The following ROBO2 variants were observed in gnomAD, a reference collection of about 807,000 sequenced individuals.
ROBO2 encodes the protein roundabout guidance receptor 2.
Under a neutral mutation model 160.8 loss-of-function variants are expected in ROBO2, and 53 were observed. The ratio of observed to expected loss-of-function variants is 0.33; its 90% CI spans 0.26 to 0.41. The LOEUF (loss-of-function observed/expected upper bound fraction) is 0.41, where lower values mean the gene tolerates loss of function less well. Among genes scored for constraint, ROBO2 ranks in the 10% least tolerant of loss-of-function variants. The pLI, the probability that ROBO2 is intolerant of heterozygous loss-of-function variation, is 1.00. For missense variants in ROBO2, 1,577 were observed against 1,722.4 expected (o/e 0.92, Z 1.49); for synonymous variants, 664 against 611.7 (o/e 1.09, Z -1.26).
chr3:76,212,902 T>C (rs547536484), intron 2 of ROBO2, among the ~76,000 whole-genome samples: 2 of 8,672 alleles, frequency 2.3e-4, no homozygotes, highest in Admixed American at 1.3e-3. Context: ...CCTTATATCA[T>C]GGTGTTCTTA....
chr3:76,537,377 C>T (rs1008699759), intron 2 of ROBO2, among the ~76,000 whole-genome samples: 8 of 151,824 alleles, frequency 5.3e-5, no homozygotes, highest in South Asian at 4.2e-4. Context: ...GTATTGGGGC[C>T]GAAGGTATTG....
At chr3:76,328,991 A>C (rs1306698496) in intron 2 of ROBO2, among the ~76,000 whole-genome samples, 1 of 150,990 alleles carries the variant, frequency 6.6e-6, no homozygotes, top group Non-Finnish European at 1.5e-5. Context: ...AAGATTTCCA[A>C]ACAGATGACT....
At chr3:77,466,753 C>T (rs2153576527) in intron 2 of ROBO2, among the ~76,000 whole-genome samples, 1 of 152,304 alleles carries the variant, frequency 6.6e-6, no homozygotes, top group African/African-American at 2.4e-5. Context: ...GGTGAGATTA[C>T]TTTGAGACCC....
intron 2 of ROBO2, among the ~76,000 whole-genome samples, chr3:77,344,053 A>AG: frequency 6.6e-6 from 1 of 152,266 alleles, no homozygotes; most frequent in East Asian, 1.9e-4. Context: ...TTAGTAAATA[A>AG]GTGATCAAGA....
intron 2 of ROBO2, among the ~76,000 whole-genome samples, chr3:76,723,842 ATCT>A (rs1465661960): frequency 6.6e-6 from 1 of 152,196 alleles, no homozygotes; most frequent in Non-Finnish European, 1.5e-5. Flanking sequence ...TATCCAAATC[ATCT>A]GGGTTAAGGG....
At chr3:77,019,215 C>A (rs148293858) in intron 2 of ROBO2, among the ~76,000 whole-genome samples, 1 of 152,178 alleles carries the variant, frequency 6.6e-6, no homozygotes, top group East Asian at 1.9e-4. Context: ...GCAGGAAAGT[C>A]CAAATTCAAC....
At chr3:76,108,170 A>G (rs988879045) in intron 2 of ROBO2, among the ~76,000 whole-genome samples, 1 of 151,984 alleles carries the variant, frequency 6.6e-6, no homozygotes, top group African/African-American at 2.4e-5. Context: ...TGTGTTCGGA[A>G]CTGCGATGCT....
Position 77,287,805 on chromosome 3 carries a change from C to T in ROBO2, c.388+189465C>T, listed in dbSNP as rs376623999. Among the ~76,000 whole-genome samples, 40 of 152,116 alleles carry T rather than the reference C, an allele frequency of 2.6e-4. No individual in the cohort carries two copies. The East Asian group carries it at 2.7e-3, about 10-fold the overall frequency. On this transcript the variant is annotated intron_variant, in intron 2 of 25. Coordinates refer to ENST00000461745, the Ensembl canonical transcript of ROBO2. ...ACTCCACATGTTCAGAAAGCCTTTCCCTAGAGTATAATTTAATGTAATTGA... is the reference window on the plus strand; with the variant it reads ...ACTCCACATGTTCAGAAAGCCTTTCTCTAGAGTATAATTTAATGTAATTGA...
At chr3:77,187,081 GA>G (rs2081353298) in intron 2 of ROBO2, among the ~76,000 whole-genome samples, 1 of 151,920 alleles carries the variant, frequency 6.6e-6, no homozygotes, top group South Asian at 2.1e-4. Flanking sequence ...AAATGAAAAC[GA>G]AGACATCAAT....
chr3:76,402,968 A>T (rs912587448), intron 2 of ROBO2, among the ~76,000 whole-genome samples: 1 of 151,598 alleles, frequency 6.6e-6, no homozygotes, highest in African/African-American at 2.4e-5. Context: ...ATTCTGACAG[A>T]ATCTGACAGT....
At chr3:77,464,321 G>C (rs1290072267) in intron 2 of ROBO2, among the ~76,000 whole-genome samples, 2 of 152,116 alleles carry the variant, frequency 1.3e-5, no homozygotes, top group Non-Finnish European at 2.9e-5. Flanking sequence ...TTGTTAAATG[G>C]GAGTTCCAAG....
chr3:76,313,746 A>C (rs940351721), intron 2 of ROBO2, among the ~76,000 whole-genome samples: 2 of 150,154 alleles, frequency 1.3e-5, no homozygotes, highest in Non-Finnish European at 3.0e-5. Flanking sequence ...CTTCCGAGTT[A>C]TTTTTTTTTT....
chr3:76,553,142 G>T (rs2083511322), intron 2 of ROBO2, among the ~76,000 whole-genome samples: 1 of 152,032 alleles, frequency 6.6e-6, no homozygotes, highest in Admixed American at 6.5e-5. Context: ...TATAGATTTG[G>T]GACATCAACA....
At chr3:76,252,485 G>A (rs1706068823) in intron 2 of ROBO2, among the ~76,000 whole-genome samples, 1 of 151,912 alleles carries the variant, frequency 6.6e-6, no homozygotes, top group African/African-American at 2.4e-5. Context: ...ATATTTAGTT[G>A]ATCAATGCTA....
At chr3:77,633,388 A>G (rs977935103) in intron 23 of ROBO2, 3 of 152,174 alleles carry the variant, frequency 2.0e-5, no homozygotes, top group Non-Finnish European at 4.4e-5. Context: ...GGGATTAATA[A>G]TAGATCAGTA....
intron 1 of ROBO2, among the ~76,000 whole-genome samples, chr3:75,935,097 C>T (rs887829407): frequency 2.6e-5 from 4 of 152,180 alleles, no homozygotes; most frequent in African/African-American, 7.2e-5. Context: ...CCTGCCTCAG[C>T]CTCCCAAAGT....
In ROBO2 at chr3:77,504,416, C is replaced by CAAAA. The variant is rs60117495; in HGVS notation, c.806+11044_806+11047dup. 2.2e-3 allele frequency among the ~76,000 whole-genome samples: 318 copies of CAAAA among 142,700 alleles called. 3 individuals are homozygous for CAAAA. The highest frequency in any genetic ancestry group is 7.4e-3 in the African/African-American group (291 of 39,254). The allele number at this position is 142,700 out of a possible 152,430, so 93.6% of individuals were successfully genotyped here. ...TTAAGACATTCAGTGCAGTGCTTCT[C>CAAAA]AAAAAAAAAAAAATGTTCAATTAAA... On this transcript the variant is annotated intron_variant, in intron 5 of 25. Transcript: ENST00000461745.
At chr3:75,951,989 A>T (rs1338920197) in intron 2 of ROBO2, among the ~76,000 whole-genome samples, 2 of 152,004 alleles carry the variant, frequency 1.3e-5, no homozygotes, top group Non-Finnish European at 2.9e-5. Flanking sequence ...AGATATATGG[A>T]AAAGAGAAAA....
intron 2 of ROBO2, among the ~76,000 whole-genome samples, chr3:76,061,018 G>A (rs949816708): frequency 1.3e-4 from 20 of 152,050 alleles, no homozygotes; most frequent in African/African-American, 4.6e-4. Context: ...AACTCCACTC[G>A]ATTTCAGGAT....
Sources: allele counts gnomAD v4.1 joint callset (sites outside exome capture counted in the v4.1 genomes callset), GRCh38; gene constraint gnomAD v4.1.1; transcripts MANE v1.5; gene names NCBI Gene and HGNC (gene_info 2026-07-23, HGNC 2026-07-21).